LARP4B: variants seen among roughly 807,000 people sequenced by gnomAD.
LARP4B encodes the protein la-related protein 4B.
Under a neutral mutation model 89.8 loss-of-function variants are expected in LARP4B, and 12 were observed. The ratio of observed to expected loss-of-function variants is 0.13; its 90% CI spans 0.09 to 0.22. The LOEUF is 0.22. LARP4B is among the 10% of genes least tolerant of loss of function. LARP4B has a pLI of 1.00. For missense variants in LARP4B, 757 were observed against 947.7 expected, an observed-to-expected ratio of 0.80 and a Z score of 2.64; for synonymous variants, 367 against 363.3, an observed-to-expected ratio of 1.01 and a Z score of -0.12.
At chr10:959,306 C>A in the LARP4B span, among the ~76,000 whole-genome samples, 1 of 151,326 alleles carries the variant, frequency 6.6e-6, no homozygotes. Flanking sequence ...AGGTGTAAAG[C>A]AGGCATTCCT....
rs1192658556 is a variant in LARP4B, at chr10:836,444, T to C, written c.709A>G (p.Ile237Val). ...TCAGATATTTCACGCAATATTACTA[T>C]GCAGCGATTTTGATTTGGCCTTACT... is the stretch of plus-strand genomic sequence containing the variant. The part of the protein sequence containing the change: ...EKVRPNQNRC[I>V]VILREISEST... Residue 237 changes from isoleucine (I) to valine (V), a missense_variant, in exon 8 of 18, where the codon ATA becomes GTA. By Grantham distance (29) the Ile-to-Val change is conservative. This residue lies in a region of LARP4B where 4 missense variants were observed against 27.3 expected (regional missense o/e 0.15). Transcript: ENST00000316157. 1.2e-6 allele frequency: 2 copies of C among 1,613,574 alleles called. No individual in the cohort carries two copies. The highest frequency in any genetic ancestry group is 8.5e-7 in the Non-Finnish European group (1 of 1,179,588).
rs1158699644 is a variant in LARP4B, at chr10:810,092, T to C, written c.*2834A>G. ...AATGATAAGCATCATCACACGATTTTACAAGTTAAAATGCCATTTGTCACT... is the reference window on the plus strand; with the variant it reads ...AATGATAAGCATCATCACACGATTTCACAAGTTAAAATGCCATTTGTCACT... On this transcript the variant is annotated 3_prime_UTR_variant, in exon 18 of 18. Transcript: ENST00000316157. 6.6e-6 allele frequency: 1 copy of C among 152,168 alleles called. No individual in the cohort carries two copies. The highest frequency in any genetic ancestry group is 1.5e-5 in the Non-Finnish European group (1 of 68,036). The allele number at this position is 152,168 out of a possible 1,614,324, so 9.4% of individuals were successfully genotyped here. A position where few individuals can be genotyped will look rare whatever the true frequency, so the allele number is the denominator to read the frequency against.
At chr10:875,925 T>A (rs1174453716) in intron 3 of LARP4B, among the ~76,000 whole-genome samples, 1 of 152,090 alleles carries the variant, frequency 6.6e-6, no homozygotes, top group Admixed American at 6.6e-5. Flanking sequence ...CCTCCAATAG[T>A]CTTAACTCAT....
At chr10:927,172 T>A (rs1255415061) in intron 1 of LARP4B, among the ~76,000 whole-genome samples, 1 of 152,162 alleles carries the variant, frequency 6.6e-6, no homozygotes, top group Non-Finnish European at 1.5e-5. Flanking sequence ...ATCACTGAAC[T>A]GCAAATCCTT....
chr10:925,235 C>A (rs893786444), intron 1 of LARP4B, among the ~76,000 whole-genome samples: 2 of 152,110 alleles, frequency 1.3e-5, no homozygotes, highest in Non-Finnish European at 2.9e-5. Flanking sequence ...GGATGACGGG[C>A]CTTACAGAAA....
chr10:938,667 T>C, the LARP4B span, among the ~76,000 whole-genome samples: 1 of 152,178 alleles, frequency 6.6e-6, no homozygotes, highest in African/African-American at 2.4e-5. Context: ...TCAAAAAGTT[T>C]AGTGAAATAT....
rs961327570 is a variant in LARP4B at position 810,023 on chromosome 10, C to T, written c.*2903G>A. The T allele has an allele frequency of 6.6e-6, 1 of 152,236 alleles. No individual in the cohort carries two copies. The highest frequency in any genetic ancestry group is 1.5e-5 in the Non-Finnish European group (1 of 68,046). 9.4% of individuals were successfully genotyped at this position (152,236 alleles called of 1,614,324 possible). A position where few individuals can be genotyped will look rare whatever the true frequency, so the allele number is the denominator to read the frequency against. ...GAGAACGACGACTCCACTTGAAATTCATGTCTGGTGAAACGGGACCAGGTT... is the reference window on the plus strand; with the variant it reads ...GAGAACGACGACTCCACTTGAAATTTATGTCTGGTGAAACGGGACCAGGTT... On this transcript the variant is annotated 3_prime_UTR_variant, in exon 18 of 18. Transcript: ENST00000316157.
chr10:981,850 G>A, the LARP4B span, among the ~76,000 whole-genome samples: 7 of 152,102 alleles, frequency 4.6e-5, no homozygotes, highest in South Asian at 1.5e-3. Context: ...ACAGGCATGA[G>A]CCACCGCACC....
Position 823,027 on chromosome 10 carries a change from G to A in LARP4B, c.1484+2038C>T, listed in dbSNP as rs527771422. 5.3e-5 allele frequency among the ~76,000 whole-genome samples: 8 copies of A among 152,292 alleles called. No homozygotes were observed. The East Asian group carries it at 1.5e-3, about 29-fold the overall frequency. ...TGGCTGCTGTGGATCAGGTTCTCAG[G>A]GCAAGCAAGGCCTGGCACACCTCCC... On this transcript the variant is annotated intron_variant, in intron 13 of 17. Coordinates refer to ENST00000316157, the MANE Select transcript of LARP4B (RefSeq NM_015155.3).
At chr10:952,509 A>T in the LARP4B span, among the ~76,000 whole-genome samples, 1 of 126,000 alleles carries the variant, frequency 7.9e-6, no homozygotes, top group East Asian at 2.4e-4. Flanking sequence ...CATAACAGAC[A>T]ACCTTTAAAA....
chr10:956,343 C>CAT, the LARP4B span, among the ~76,000 whole-genome samples: 1 of 146,302 alleles, frequency 6.8e-6, no homozygotes, highest in Admixed American at 6.9e-5. The surrounding 1 kb of genome is among the most constrained non-coding windows in gnomAD (Gnocchi z 4.3). Flanking sequence ...CTCAGAAATT[C>CAT]TTTTTTTTTT....
Position 820,716 on chromosome 10 carries a change from C to G in LARP4B, c.1530+84G>C, listed in dbSNP as rs558932126. The stretch of plus-strand genomic sequence containing the variant: ...TGAAATGCTCATTCTTGTGCCTTAA[C>G]CTTAATCCATTTAATTAAATCTCAG... On this transcript the variant is annotated intron_variant, in intron 14 of 17. Coordinates refer to ENST00000316157, the MANE Select transcript of LARP4B (RefSeq NM_015155.3). 6 of 1,247,550 alleles carry G rather than the reference C, an allele frequency of 4.8e-6. No homozygotes were observed. In the Admixed American group the frequency reaches 1.1e-4, roughly 24 times the overall value. 77.3% of individuals were successfully genotyped at this position (1,247,550 alleles called of 1,614,324 possible). A position where few individuals can be genotyped will look rare whatever the true frequency, so the allele number is the denominator to read the frequency against.
chr10:937,061 G>A, the LARP4B span, among the ~76,000 whole-genome samples: 1 of 151,996 alleles, frequency 6.6e-6, no homozygotes, highest in Non-Finnish European at 1.5e-5. Context: ...TTTATTTTTG[G>A]AGACAGGGTC....
At chr10:853,905 G>A (rs1281039358) in intron 5 of LARP4B, among the ~76,000 whole-genome samples, 9 of 152,176 alleles carry the variant, frequency 5.9e-5, no homozygotes, top group Admixed American at 6.5e-5. Flanking sequence ...TCTCTGCAGC[G>A]TGTGATGCTG....
Position 855,007 on chromosome 10 carries a change from T to C in LARP4B, c.430+8736A>G, listed in dbSNP as rs540293246. Among the ~76,000 whole-genome samples the C allele has an allele frequency of 2.6e-5, 4 of 152,356 alleles. No individual in the cohort carries two copies. In the South Asian group the frequency reaches 8.3e-4, roughly 32 times the overall value. ...TGTTATGGAGACTGCTTCTTTTCTTTAACTTCATGAAATAACCTCTGTGAG... is the reference window on the plus strand; with the variant it reads ...TGTTATGGAGACTGCTTCTTTTCTTCAACTTCATGAAATAACCTCTGTGAG... On this transcript the variant is annotated intron_variant, in intron 5 of 17. Coordinates refer to ENST00000316157, the MANE Select transcript of LARP4B (RefSeq NM_015155.3).
At chr10:920,467 C>G (rs998647555) in intron 1 of LARP4B, among the ~76,000 whole-genome samples, 1 of 152,228 alleles carries the variant, frequency 6.6e-6, no homozygotes, top group Non-Finnish European at 1.5e-5. Flanking sequence ...TCACACCTAA[C>G]ATTTTATGAA....
intron 11 of LARP4B, among the ~76,000 whole-genome samples, chr10:827,912 C>T (rs1049063704): frequency 6.6e-6 from 1 of 152,144 alleles, no homozygotes; most frequent in Non-Finnish European, 1.5e-5. Flanking sequence ...CTTTTCTTAC[C>T]ATCAGGACTT....
At chr10:859,091 C>A (rs1481815738) in intron 5 of LARP4B, among the ~76,000 whole-genome samples, 1 of 152,010 alleles carries the variant, frequency 6.6e-6, no homozygotes, top group African/African-American at 2.4e-5. Context: ...CCAGACTGGC[C>A]AACATGGTGA....
chr10:934,547 G>A (rs560071897), upstream of LARP4B, among the ~76,000 whole-genome samples: 10 of 152,108 alleles, frequency 6.6e-5, no homozygotes, highest in South Asian at 1.7e-3. Flanking sequence ...CTTTCTCTTC[G>A]TATTGTGTAA....
Sources: gnomAD v4.1 joint callset for allele counts (sites outside exome capture counted in the v4.1 genomes callset) on GRCh38, gnomAD v4.1.1 for gene constraint, gnomAD v4.1.1 regional missense constraint, Gnocchi (gnomAD v3.1) non-coding constraint, MANE v1.5 for transcripts, NCBI Gene and HGNC (gene_info 2026-07-23, HGNC 2026-07-21) for gene names.